The following KIAA0319L variants were observed in gnomAD, a reference collection of about 807,000 sequenced individuals.
KIAA0319L encodes the protein KIAA0319 like.
A neutral mutation model predicts 120.1 loss-of-function variants in KIAA0319L; 55 were observed. That is an observed-to-expected ratio of 0.46 (90% CI 0.37 to 0.57). The LOEUF (loss-of-function observed/expected upper bound fraction) is 0.57, where lower values mean the gene tolerates loss of function less well. Among genes scored for constraint, KIAA0319L ranks in the 20% least tolerant of loss-of-function variants. KIAA0319L has a pLI of 0.00. For missense variants in KIAA0319L, 1,049 were observed against 1,255.3 expected (o/e 0.84, Z 2.48); for synonymous variants, 398 against 471.9 (o/e 0.84, Z 2.03).
chr1:35,526,845 T>C (rs537380261), intron 2 of KIAA0319L, among the ~76,000 whole-genome samples: 3 of 152,178 alleles, frequency 2.0e-5, no homozygotes, highest in Admixed American at 6.6e-5. Flanking sequence ...ACGGAAGGAT[T>C]GCAGGAGGGT....
At chr1:35,477,394 G>A (rs190855570) in intron 4 of KIAA0319L, among the ~76,000 whole-genome samples, 6 of 152,258 alleles carry the variant, frequency 3.9e-5, no homozygotes, top group South Asian at 4.1e-4. Context: ...ATGGCCGGGC[G>A]CGGTGGCTCA....
chr1:35,499,647 T>C (rs778449121), intron 3 of KIAA0319L, among the ~76,000 whole-genome samples: 11 of 151,014 alleles, frequency 7.3e-5, no homozygotes, highest in African/African-American at 2.7e-4. Context: ...AAAAACTAGA[T>C]AAGTAGATTA....
chr1:35,540,680 TA>T (rs1646752522), intron 2 of KIAA0319L, among the ~76,000 whole-genome samples: 1 of 152,236 alleles, frequency 6.6e-6, no homozygotes, highest in African/African-American at 2.4e-5. Context: ...GGCAGAAGGT[TA>T]TTCTATTAAG....
At chr1:35,503,904 G>C in intron 3 of KIAA0319L, among the ~76,000 whole-genome samples, 1 of 82,736 alleles carries the variant, frequency 1.2e-5, no homozygotes, top group Middle Eastern at 6.9e-3. Context: ...TTTTTTTTTT[G>C]AGACAGAGTC....
rs1450059888 is a variant in KIAA0319L, at chr1:35,434,801, G to T, written c.*93C>A. The T allele has an allele frequency of 1.4e-5, 16 of 1,145,292 alleles. No homozygotes were observed. In the South Asian group the frequency reaches 2.3e-4, roughly 16 times the overall value. 70.9% of individuals were successfully genotyped at this position (1,145,292 alleles called of 1,614,324 possible). On this transcript the variant is annotated 3_prime_UTR_variant, in exon 21 of 21. Transcript: ENST00000325722. ...GACTGTCAGGGCGAAATGACCAGCAGATGCTGGGACAGCAGCTGCCCGCAG... is the reference window on the plus strand; with the variant it reads ...GACTGTCAGGGCGAAATGACCAGCATATGCTGGGACAGCAGCTGCCCGCAG...
At chr1:35,525,447 C>A (rs980202994) in intron 2 of KIAA0319L, among the ~76,000 whole-genome samples, 1 of 152,152 alleles carries the variant, frequency 6.6e-6, no homozygotes, top group Non-Finnish European at 1.5e-5. Flanking sequence ...AATGGCTGTA[C>A]TACTTTACAT....
At position 35,442,286 on chromosome 1, in the gene KIAA0319L, A is replaced by T; in HGVS notation, c.2830T>A (p.Leu944Met). 2 of 1,614,080 alleles carry T rather than the reference A, an allele frequency of 1.2e-6. No individual in the cohort carries two copies. Among genetic ancestry groups the T allele is most frequent in the South Asian group, 2.2e-5 (2 of 91,082 alleles). The change falls in exon 19 of 21, where the codon TTG (leucine) becomes ATG (methionine). Residue 944 changes from leucine (L) to methionine (M), a missense_variant. By Grantham distance (15) the Leu-to-Met change is conservative (BLOSUM62 2). Coordinates refer to ENST00000325722, the MANE Select transcript of KIAA0319L (RefSeq NM_024874.5). ...IIATFVIVVA[L>M]GILSWTVICC... ...ATCACAGTCCAAGACAGGATTCCCA[A>T]GGCAACAACAATGACAAAGGTAGCA... is the stretch of plus-strand genomic sequence containing the variant.
Position 35,460,292 on chromosome 1 carries a change from A to G in KIAA0319L, c.1427+13T>C. ...ATGGCCTATGGTAAACTTGAAGCTG[A>G]ATCCTAATTTACCTGAAAGTGTAGT... On this transcript the variant is annotated intron_variant, in intron 9 of 20. Coordinates refer to ENST00000325722, the MANE Select transcript of KIAA0319L (RefSeq NM_024874.5). The G allele has an allele frequency of 6.2e-7, 1 of 1,607,086 alleles. No individual in the cohort carries two copies. The highest frequency in any genetic ancestry group is 1.1e-5 in the South Asian group (1 of 89,410).
At chr1:35,554,757 C>CT (rs374790287) in intron 1 of KIAA0319L, 3,337 of 222,730 alleles carry the variant, frequency 0.015, 7 homozygotes, top group Middle Eastern at 0.026. Flanking sequence ...CTTTATATTC[C>CT]TTTTTTTTTT....
At chr1:35,442,525 G>T (rs542579285) in intron 18 of KIAA0319L, among the ~76,000 whole-genome samples, 189 bp from the exon 19 acceptor site, 1 of 152,168 alleles carries the variant, frequency 6.6e-6, no homozygotes, top group Non-Finnish European at 1.5e-5. Flanking sequence ...CTGCTTTCCA[G>T]TCCCTGCTCC....
chr1:35,467,706 T>C (rs1401947699), intron 6 of KIAA0319L, among the ~76,000 whole-genome samples: 1 of 152,010 alleles, frequency 6.6e-6, no homozygotes, highest in Non-Finnish European at 1.5e-5. Flanking sequence ...TTTTTTTTTT[T>C]GAGACAGAAT....
chr1:35,440,421 T>C (rs1335231030), intron 20 of KIAA0319L: 1 of 153,136 alleles, frequency 6.5e-6, no homozygotes, highest in Non-Finnish European at 1.5e-5. Flanking sequence ...AAACCAATGA[T>C]ACCTGTCCCA....
chr1:35,523,325 T>A (rs1421690391), intron 2 of KIAA0319L, among the ~76,000 whole-genome samples: 2 of 152,228 alleles, frequency 1.3e-5, no homozygotes, highest in Non-Finnish European at 2.9e-5. Flanking sequence ...CCATCTTCTT[T>A]TATTCTTTTA....
At chr1:35,485,868 C>T (rs955140423) in intron 3 of KIAA0319L, among the ~76,000 whole-genome samples, 10 of 152,030 alleles carry the variant, frequency 6.6e-5, no homozygotes, top group African/African-American at 1.2e-4. Context: ...TTGGAACTCC[C>T]GAGGCTCAAG....
intron 6 of KIAA0319L, among the ~76,000 whole-genome samples, chr1:35,469,841 T>C (rs961917375): frequency 6.6e-6 from 1 of 152,012 alleles, no homozygotes; most frequent in African/African-American, 2.4e-5. Context: ...GTAGAATGAA[T>C]GACTAAATGA....
At chr1:35,450,947 G>C (rs1245995222) in intron 13 of KIAA0319L, among the ~76,000 whole-genome samples, 1 of 152,126 alleles carries the variant, frequency 6.6e-6, no homozygotes, top group Non-Finnish European at 1.5e-5. Flanking sequence ...CCCTTCCTTG[G>C]AACTTCACAA....
In KIAA0319L at chr1:35,454,455, C is replaced by T. The variant is rs1263543571; in HGVS notation, c.1687G>A (p.Ala563Thr). ...GVRTPTLQLS[A>T]MQEGDYTYQL... The stretch of plus-strand genomic sequence containing the variant: ...TAAGTGTAGTCTCCTTCTTGCATCG[C>T]AGAGAGCTGTAAGGTTGGTGTTCTA... The change falls in exon 11 of 21, where the codon GCG becomes ACG. Residue 563 changes from alanine to threonine, a missense_variant. Transcript: ENST00000325722. The T allele has an allele frequency of 5.6e-6, 9 of 1,613,946 alleles. No individual in the cohort carries two copies. The highest frequency in any genetic ancestry group is 6.8e-6 in the Non-Finnish European group (8 of 1,179,964).
At chr1:35,514,375 A>C (rs1322454920) in intron 2 of KIAA0319L, among the ~76,000 whole-genome samples, 1 of 151,766 alleles carries the variant, frequency 6.6e-6, no homozygotes, top group Non-Finnish European at 1.5e-5. Flanking sequence ...AAAAAAAAAA[A>C]ACAAAACTTA....
intron 4 of KIAA0319L, among the ~76,000 whole-genome samples, chr1:35,477,475 G>T (rs1017796355): frequency 6.6e-6 from 1 of 152,092 alleles, no homozygotes; most frequent in Admixed American, 6.5e-5. Flanking sequence ...AGACCATCCT[G>T]GCTAACACGG....
Sources: allele counts gnomAD v4.1 joint callset (sites outside exome capture counted in the v4.1 genomes callset), GRCh38; gene constraint gnomAD v4.1.1; transcripts MANE v1.5; gene names NCBI Gene and HGNC (gene_info 2026-07-23, HGNC 2026-07-21).